MPPED2: variants seen among roughly 807,000 people sequenced by gnomAD.
MPPED2 encodes metallophosphoesterase domain containing 2.
MPPED2 carries 5 observed loss-of-function variants against 33.0 expected under a neutral mutation model. The observed-to-expected ratio is 0.15, with a 90% CI of 0.08 to 0.32. The LOEUF (loss-of-function observed/expected upper bound fraction) is 0.32, where lower values mean the gene tolerates loss of function less well. MPPED2 is among the 10% of genes least tolerant of loss of function. The pLI is 1.00. For synonymous variants in MPPED2, 136 were observed against 141.9 expected, an observed-to-expected ratio of 0.96 and a Z score of 0.29; for missense variants, 275 against 372.1, an observed-to-expected ratio of 0.74 and a Z score of 2.15.
intron 4 of MPPED2, among the ~76,000 whole-genome samples, chr11:30,490,994 A>G (rs1951956443): frequency 6.6e-6 from 1 of 152,216 alleles, no homozygotes; most frequent in African/African-American, 2.4e-5. Flanking sequence ...GGTATCAGCA[A>G]TGCAGAACTT....
intron 4 of MPPED2, among the ~76,000 whole-genome samples, chr11:30,454,995 T>A (rs772452276): frequency 3.9e-5 from 6 of 152,228 alleles, no homozygotes; most frequent in Non-Finnish European, 8.8e-5. Context: ...CACATTTAGA[T>A]CCTGCCTGGA....
intron 3 of MPPED2, among the ~76,000 whole-genome samples, chr11:30,518,775 G>A (rs971751204): frequency 2.0e-5 from 3 of 152,214 alleles, no homozygotes; most frequent in Non-Finnish European, 4.4e-5. Flanking sequence ...GCACAGGACT[G>A]TGAAGATAGA....
At chr11:30,547,798 G>T (rs1022899528) in intron 2 of MPPED2, among the ~76,000 whole-genome samples, 11 of 152,006 alleles carry the variant, frequency 7.2e-5, no homozygotes, top group Admixed American at 2.0e-4. Context: ...AACAACCTAA[G>T]TAAATTTTCT....
intron 4 of MPPED2, among the ~76,000 whole-genome samples, chr11:30,473,315 G>A (rs1388421484): frequency 2.0e-5 from 3 of 151,920 alleles, no homozygotes; most frequent in Admixed American, 6.6e-5. Flanking sequence ...TAACAGTTTC[G>A]GTTTTGTCTT....
intron 4 of MPPED2, among the ~76,000 whole-genome samples, chr11:30,442,083 C>T (rs1316975638): frequency 6.6e-6 from 1 of 152,118 alleles, no homozygotes; most frequent in Non-Finnish European, 1.5e-5. Context: ...TTTCAAGACA[C>T]ATCGTTTAAG....
intron 6 of MPPED2, among the ~76,000 whole-genome samples, chr11:30,397,127 T>C (rs1450624268): frequency 2.0e-5 from 3 of 152,184 alleles, no homozygotes; most frequent in African/African-American, 7.2e-5. Context: ...CAGAAAATAT[T>C]ATTTACTGTG....
At chr11:30,517,421 A>G (rs1953594306) in intron 3 of MPPED2, among the ~76,000 whole-genome samples, 1 of 152,238 alleles carries the variant, frequency 6.6e-6, no homozygotes, top group Admixed American at 6.5e-5. Context: ...GGTAGATTCA[A>G]GCCTATGTAT....
chr11:30,440,656 A>G (rs1345014235), intron 4 of MPPED2, among the ~76,000 whole-genome samples: 2 of 152,198 alleles, frequency 1.3e-5, no homozygotes, highest in Non-Finnish European at 2.9e-5. Flanking sequence ...GGCCAAGAAT[A>G]GGTTCTGACC....
chr11:30,579,850 A>C (rs1477763591), intron 2 of MPPED2, among the ~76,000 whole-genome samples: 1 of 152,110 alleles, frequency 6.6e-6, no homozygotes, highest in African/African-American at 2.4e-5. Flanking sequence ...AAACTACAGA[A>C]ATTTTAAAGA....
chr11:30,450,978 A>G (rs922452122), intron 4 of MPPED2, among the ~76,000 whole-genome samples: 1 of 152,242 alleles, frequency 6.6e-6, no homozygotes. Flanking sequence ...TTCATAAACT[A>G]TCCCAGTGGA....
chr11:30,568,435 T>C (rs1403411008), intron 2 of MPPED2, among the ~76,000 whole-genome samples: 1 of 152,192 alleles, frequency 6.6e-6, no homozygotes, highest in Admixed American at 6.5e-5. Flanking sequence ...AGCTCAACCA[T>C]GGTTCCTGCA....
At chr11:30,584,981 T>TGG (rs1290274145) in intron 1 of MPPED2, 1 of 151,922 alleles carries the variant, frequency 6.6e-6, no homozygotes, top group African/African-American at 2.4e-5. Flanking sequence ...GCACTTAATT[T>TGG]GGGGTGTGTG....
chr11:30,500,446 C>G (rs549195613), intron 3 of MPPED2, among the ~76,000 whole-genome samples: 1 of 152,116 alleles, frequency 6.6e-6, no homozygotes, highest in Non-Finnish European at 1.5e-5. Context: ...CCTAATGATT[C>G]GATTTTAAAA....
chr11:30,464,268 A>AACACACACACACACACAC (rs10660237), intron 4 of MPPED2, among the ~76,000 whole-genome samples: 13 of 146,022 alleles, frequency 8.9e-5, no homozygotes, highest in African/African-American at 2.5e-4. Context: ...AAAGGATACT[A>AACACACACACACACACAC]ACACACACAC....
At chr11:30,564,870 C>T (rs1392430679) in intron 2 of MPPED2, among the ~76,000 whole-genome samples, 1 of 152,156 alleles carries the variant, frequency 6.6e-6, no homozygotes, top group African/African-American at 2.4e-5. Flanking sequence ...CAATCTGACT[C>T]CATGTGTGAG....
chr11:30,489,191 G>A (rs1951869338), intron 4 of MPPED2, among the ~76,000 whole-genome samples: 2 of 151,922 alleles, frequency 1.3e-5, no homozygotes, highest in Non-Finnish European at 2.9e-5. Flanking sequence ...CTCAATATCT[G>A]CTGTTAATTT....
chr11:30,453,724 A>G (rs1186100297), intron 4 of MPPED2, among the ~76,000 whole-genome samples: 1 of 152,212 alleles, frequency 6.6e-6, no homozygotes, highest in Non-Finnish European at 1.5e-5. Context: ...TGATAAGATC[A>G]AGCAAAGAAG....
At chr11:30,456,229 C>T (rs768312918) in intron 4 of MPPED2, among the ~76,000 whole-genome samples, 6 of 152,136 alleles carry the variant, frequency 3.9e-5, no homozygotes, top group Non-Finnish European at 8.8e-5. Context: ...AGGAAAATGC[C>T]AAGTTCCCTT....
chr11:30,459,921 C>T (rs562550624), intron 4 of MPPED2, among the ~76,000 whole-genome samples: 3 of 152,306 alleles, frequency 2.0e-5, no homozygotes, highest in South Asian at 2.1e-4. Context: ...ATGGCTTGAA[C>T]TATCTGGAGG....
Sources: gnomAD v4.1 joint callset for allele counts (sites outside exome capture counted in the v4.1 genomes callset) on GRCh38, gnomAD v4.1.1 for gene constraint, MANE v1.5 for transcripts, NCBI Gene and HGNC (gene_info 2026-07-23, HGNC 2026-07-21) for gene names.